Variants in PLD5 observed in about 807,000 individuals in gnomAD.
PLD5 encodes the protein inactive phospholipase D5.
PLD5 carries 36 observed loss-of-function variants against 61.1 expected under a neutral mutation model. The observed-to-expected ratio is 0.59, with a 90% CI of 0.45 to 0.78. The LOEUF (loss-of-function observed/expected upper bound fraction) is 0.78. Among genes scored for constraint, PLD5 ranks in the 30% least tolerant of loss-of-function variants. The probability of loss-of-function intolerance (pLI) is 0.00; values close to 1 mark genes in which losing one functional copy is unlikely to be tolerated. For synonymous variants in PLD5, 243 were observed against 242.8 expected (o/e 1.00, Z -0.01); for missense variants, 515 against 644.4 (o/e 0.80, Z 2.17).
At chr1:242,319,051 A>G (rs1020306363) in intron 2 of PLD5, among the ~76,000 whole-genome samples, 1 of 152,148 alleles carries the variant, frequency 6.6e-6, no homozygotes, top group African/African-American at 2.4e-5. Flanking sequence ...GAGGGGCTCC[A>G]GAGAAGCCCT....
chr1:242,161,782 A>G (rs1459514237), intron 5 of PLD5, among the ~76,000 whole-genome samples: 3 of 152,178 alleles, frequency 2.0e-5, no homozygotes, highest in Non-Finnish European at 2.9e-5. Context: ...AATGTCTAGC[A>G]GGGACTGTTA....
At chr1:242,422,614 G>A (rs942668860) in intron 1 of PLD5, among the ~76,000 whole-genome samples, 3 of 152,134 alleles carry the variant, frequency 2.0e-5, no homozygotes, top group Admixed American at 2.0e-4. Context: ...TACACTCTGG[G>A]AAATGATTTT....
chr1:242,375,234 C>G (rs1661878913), intron 1 of PLD5, among the ~76,000 whole-genome samples: 1 of 152,208 alleles, frequency 6.6e-6, no homozygotes, highest in African/African-American at 2.4e-5. Flanking sequence ...TGGTGCTATT[C>G]TGGCAGCTAT....
chr1:242,236,323 C>T (rs1222080905), intron 4 of PLD5, among the ~76,000 whole-genome samples: 1 of 152,174 alleles, frequency 6.6e-6, no homozygotes, highest in Non-Finnish European at 1.5e-5. Context: ...AAAAGAAATG[C>T]TTCCAAGGGC....
chr1:242,448,825 A>C (rs1666658911), intron 1 of PLD5, among the ~76,000 whole-genome samples: 2 of 152,138 alleles, frequency 1.3e-5, no homozygotes, highest in Admixed American at 6.5e-5. Flanking sequence ...GTTACTGCCT[A>C]TGATAGTTTC....
intron 5 of PLD5, among the ~76,000 whole-genome samples, chr1:242,182,753 G>C (rs1368466179): frequency 1.3e-5 from 2 of 152,206 alleles, no homozygotes; most frequent in Non-Finnish European, 2.9e-5. Flanking sequence ...TGAGGCACAG[G>C]AATCTCTTGA....
chr1:242,392,625 T>C (rs554162116), intron 1 of PLD5, among the ~76,000 whole-genome samples: 158 of 152,286 alleles, frequency 1.0e-3, no homozygotes, highest in Non-Finnish European at 1.3e-3. Flanking sequence ...GCTGATGGGC[T>C]GGCCCCTCTC....
chr1:242,358,523 G>A (rs1660882216), intron 1 of PLD5, among the ~76,000 whole-genome samples: 1 of 151,774 alleles, frequency 6.6e-6, no homozygotes, highest in Non-Finnish European at 1.5e-5. Flanking sequence ...AATTTGGGTG[G>A]AACAGCTGGC....
At position 242,410,411 on chromosome 1, in the gene PLD5, ATT is replaced by A. The variant is rs35726840; in HGVS notation, c.190-62171_190-62170del. ...AGTATATTTCCTGTAATATAATGCC[ATT>A]TTTTTTTTCCAATCTCTAGAGATAC... On this transcript the variant is annotated intron_variant, in intron 1 of 9. Transcript: ENST00000536534. Among the ~76,000 whole-genome samples the A allele has an allele frequency of 1.2e-4, 18 of 151,294 alleles. No individual in the cohort carries two copies. In the East Asian group the frequency reaches 1.6e-3, roughly 13 times the overall value.
chr1:242,328,493 T>C (rs1245766202), intron 2 of PLD5, among the ~76,000 whole-genome samples: 1 of 152,222 alleles, frequency 6.6e-6, no homozygotes, highest in African/African-American at 2.4e-5. Flanking sequence ...TATTTATGTG[T>C]TCTACATATG....
At chr1:242,232,512 G>A (rs1671372363) in intron 4 of PLD5, among the ~76,000 whole-genome samples, 1 of 151,746 alleles carries the variant, frequency 6.6e-6, no homozygotes, top group Non-Finnish European at 1.5e-5. Flanking sequence ...AATATGTGCT[G>A]CATTTTTTTT....
intron 2 of PLD5, among the ~76,000 whole-genome samples, chr1:242,327,141 A>T (rs1658844827): frequency 6.6e-6 from 1 of 151,928 alleles, no homozygotes; most frequent in South Asian, 2.1e-4. Context: ...CTGGGATTAC[A>T]AGCGTGAGCC....
At chr1:242,247,190 G>A (rs2149075211) in intron 4 of PLD5, among the ~76,000 whole-genome samples, 1 of 152,190 alleles carries the variant, frequency 6.6e-6, no homozygotes, top group East Asian at 1.9e-4. Context: ...CACTGTGTTA[G>A]CCAGGATGGT....
At chr1:242,326,082 G>C (rs1231395506) in intron 2 of PLD5, among the ~76,000 whole-genome samples, 2 of 151,902 alleles carry the variant, frequency 1.3e-5, no homozygotes, top group African/African-American at 4.8e-5. Context: ...TCATTATGTT[G>C]TCCAGGCTGG....
chr1:242,129,999 T>A lies in PLD5; in HGVS notation c.736-5334A>T, dbSNP rs556657341. On this transcript the variant is annotated intron_variant, in intron 5 of 9. Coordinates refer to ENST00000536534, the MANE Select transcript of PLD5 (RefSeq NM_001372062.1). ...CATTCTTTTTTGTGGCTAAATAGTATTCCATTGTGTATATATACCACATTT... is the reference window on the plus strand; with the variant it reads ...CATTCTTTTTTGTGGCTAAATAGTAATCCATTGTGTATATATACCACATTT... Among the ~76,000 whole-genome samples, 4 of 152,276 alleles carry A rather than the reference T, an allele frequency of 2.6e-5. No individual in the cohort carries two copies. The South Asian group carries it at 8.3e-4, about 32-fold the overall frequency.
At chr1:242,103,141 G>A (rs1032345353) in intron 8 of PLD5, among the ~76,000 whole-genome samples, 3 of 152,110 alleles carry the variant, frequency 2.0e-5, no homozygotes, top group African/African-American at 7.2e-5. Flanking sequence ...GTCCCAGACT[G>A]TCCTCTCTGT....
At chr1:242,478,861 C>T (rs1198920189) in intron 1 of PLD5, among the ~76,000 whole-genome samples, 1 of 152,106 alleles carries the variant, frequency 6.6e-6, no homozygotes, top group Non-Finnish European at 1.5e-5. Context: ...CAGCAATATT[C>T]AAACTCATGA....
chr1:242,291,607 C>A (rs1190996732), intron 2 of PLD5, among the ~76,000 whole-genome samples: 2 of 151,998 alleles, frequency 1.3e-5, no homozygotes, highest in Admixed American at 6.6e-5. Flanking sequence ...GAAATTGAGA[C>A]CATCTTGGCT....
At chr1:242,286,959 T>C (rs1279312818) in intron 3 of PLD5, among the ~76,000 whole-genome samples, 1 of 152,124 alleles carries the variant, frequency 6.6e-6, no homozygotes, top group Non-Finnish European at 1.5e-5. Context: ...GGCTGTGGTA[T>C]GTTATTTCCA....
Sources: allele counts gnomAD v4.1 joint callset (sites outside exome capture counted in the v4.1 genomes callset), GRCh38; gene constraint gnomAD v4.1.1; transcripts MANE v1.5; gene names NCBI Gene and HGNC (gene_info 2026-07-23, HGNC 2026-07-21).